Variants in SPTBN1 observed in about 807,000 individuals in gnomAD.
SPTBN1 encodes spectrin beta, non-erythrocytic 1, also known as spectrin beta chain, non-erythrocytic 1.
SPTBN1 carries 32 observed loss-of-function variants against 266.4 expected under a neutral mutation model. That is an observed-to-expected ratio of 0.12 (90% confidence interval 0.09 to 0.16). The LOEUF is 0.16. Ranked by LOEUF, SPTBN1 falls within the 10% of genes least tolerant of loss-of-function variation. The pLI is 1.00. For synonymous variants in SPTBN1, 1,336 were observed against 1,162.2 expected, an observed-to-expected ratio of 1.15 and a Z score of -3.04; for missense variants, 2,296 against 3,067.1, an observed-to-expected ratio of 0.75 and a Z score of 5.94.
intron 2 of SPTBN1, among the ~76,000 whole-genome samples, chr2:54,566,930 G>C (rs1673702920): frequency 6.6e-6 from 1 of 152,166 alleles, no homozygotes; most frequent in Admixed American, 6.5e-5. Context: ...TACTTTAAAA[G>C]CAGGAAGGAT....
intron 1 of SPTBN1, among the ~76,000 whole-genome samples, chr2:54,508,481 T>G (rs1038551779): frequency 3.3e-5 from 5 of 152,090 alleles, no homozygotes; most frequent in African/African-American, 9.7e-5. Context: ...TGAGGATAGA[T>G]TTTTGCGATG....
At chr2:54,513,404 C>T (rs1251172597) in intron 1 of SPTBN1, among the ~76,000 whole-genome samples, 1 of 152,050 alleles carries the variant, frequency 6.6e-6, no homozygotes, top group Non-Finnish European at 1.5e-5. Flanking sequence ...CATTGGGTTG[C>T]TCTAGGAGAA....
In SPTBN1 at chr2:54,645,590, G is replaced by C. The variant is rs1679871361; in HGVS notation, c.4494+137G>C. ...AGCTGCCAAAGTCCACGCTCTGGAT[G>C]GTCTAAAGTTTCTTTCCCTTTTCAC... On this transcript the variant is annotated intron_variant, in intron 21 of 35. Coordinates refer to ENST00000356805, the MANE Select transcript of SPTBN1 (RefSeq NM_003128.3). This position sits in a 1 kb window ranked among gnomAD's most constrained non-coding sequence, Gnocchi z 4.3. The C allele has an allele frequency of 1.2e-6, 1 of 863,710 alleles. No homozygotes were observed. Among genetic ancestry groups the C allele is most frequent in the African/African-American group, 1.7e-5 (1 of 58,738 alleles). 53.5% of individuals were successfully genotyped at this position (863,710 alleles called of 1,614,324 possible).
At position 54,533,415 on chromosome 2, in the gene SPTBN1, G is replaced by C. The variant is rs114421084; in HGVS notation, c.148+6849G>C. On this transcript the variant is annotated intron_variant, in intron 2 of 35. Transcript: ENST00000356805. The surrounding 1 kb of genome is among the most constrained non-coding windows in gnomAD (Gnocchi z 4.2). ...GTGTGTCTAAACCATTTGACTTCTA[G>C]TGAACGAACAGAGCCAACCTCTTCC... Among the ~76,000 whole-genome samples the C allele has an allele frequency of 8.9e-3, 1,346 of 150,700 alleles. 23 individuals carry two copies. Among genetic ancestry groups the C allele is most frequent in the African/African-American group, 0.03 (1,219 of 40,926 alleles).
At chr2:54,585,153 A>G (rs548262130) in intron 2 of SPTBN1, among the ~76,000 whole-genome samples, 101 of 152,374 alleles carry the variant, frequency 6.6e-4, no homozygotes, top group Non-Finnish European at 1.1e-3. Context: ...AAATTTAGAC[A>G]GATGACCAGT....
At chr2:54,652,853 T>C (rs1441208321) in intron 26 of SPTBN1, 4 of 150,816 alleles carry the variant, frequency 2.7e-5, no homozygotes, top group African/African-American at 9.8e-5. Context: ...TGCCAGTTTC[T>C]GTGTTGGTTT....
intron 9 of SPTBN1, 126 bp from the exon 10 acceptor site, chr2:54,623,353 C>A: frequency 1.3e-6 from 1 of 787,316 alleles, no homozygotes; most frequent in Non-Finnish European, 2.1e-6. Flanking sequence ...CAATAAGCAA[C>A]CTACTGATGT....
Position 54,665,930 on chromosome 2 carries a change from T to C in SPTBN1, c.6675T>C (p.Val2225=). 6.2e-7 allele frequency: 1 copy of C among 1,613,884 alleles called. No individual in the cohort carries two copies. The highest frequency in any genetic ancestry group is 1.3e-5 in the African/African-American group (1 of 74,994). ...KKASSRSWHN[V]YCVINNQEMG... ...AACTGCACAGGTCCTGGCACAATGT[T>C]TATTGTGTCATAAATAACCAAGAAA... is the stretch of plus-strand genomic sequence containing the variant. Residue 2225 remains valine, a synonymous_variant, in exon 34 of 36, where the codon GTT becomes GTC. Coordinates refer to ENST00000356805, the MANE Select transcript of SPTBN1 (RefSeq NM_003128.3).
At chr2:54,515,547 T>TATTG (rs1471248573) in intron 1 of SPTBN1, among the ~76,000 whole-genome samples, 1 of 152,182 alleles carries the variant, frequency 6.6e-6, no homozygotes, top group Non-Finnish European at 1.5e-5. Flanking sequence ...TTTATTTATT[T>TATTG]TTGTGACAGG....
chr2:54,635,949 T>A (rs1259176981), intron 17 of SPTBN1, among the ~76,000 whole-genome samples: 1 of 152,254 alleles, frequency 6.6e-6, no homozygotes, highest in Non-Finnish European at 1.5e-5. Context: ...TTTATTTTTT[T>A]AAATTTAATT....
chr2:54,610,801 A>G (rs560361778), intron 3 of SPTBN1, among the ~76,000 whole-genome samples: 7 of 152,146 alleles, frequency 4.6e-5, no homozygotes, highest in Non-Finnish European at 1.0e-4. Flanking sequence ...CAGCATCACT[A>G]GTGGCACTTT....
At chr2:54,611,688 A>C (rs901709054) in intron 3 of SPTBN1, among the ~76,000 whole-genome samples, 1 of 152,124 alleles carries the variant, frequency 6.6e-6, no homozygotes, top group African/African-American at 2.4e-5. Context: ...ACCACTTGGA[A>C]ATTCTTCTGA....
At chr2:54,578,046 G>C (rs957050195) in intron 2 of SPTBN1, among the ~76,000 whole-genome samples, 14 of 152,152 alleles carry the variant, frequency 9.2e-5, no homozygotes, top group Non-Finnish European at 1.9e-4. Context: ...TGGTACTTTG[G>C]AGATTCCAGA....
intron 1 of SPTBN1, among the ~76,000 whole-genome samples, chr2:54,479,865 T>TC (rs1338596601): frequency 1.3e-5 from 1 of 74,650 alleles, no homozygotes; most frequent in African/African-American, 4.3e-5. Context: ...AAATTTTGCT[T>TC]TTTTTTTTTC....
In SPTBN1 at chr2:54,653,522, T is replaced by G. The variant is rs1164188036; in HGVS notation, c.5578-87T>G. Reference sequence around the variant, plus strand: ...TATTTTGACTCTGTGCTCCCTTTAGTGTATGAGCAGAACAGAATAGGGCTT... The same window carrying G: ...TATTTTGACTCTGTGCTCCCTTTAGGGTATGAGCAGAACAGAATAGGGCTT... On this transcript the variant is annotated intron_variant, in intron 26 of 35. Transcript: ENST00000356805. The surrounding 1 kb of genome is among the most constrained non-coding windows in gnomAD (Gnocchi z 5.1). 11 of 1,543,272 alleles carry G rather than the reference T, an allele frequency of 7.1e-6. No individual in the cohort carries two copies. Among genetic ancestry groups the G allele is most frequent in the Non-Finnish European group, 9.5e-6 (11 of 1,152,682 alleles).
chr2:54,663,601 T>C (rs1681190794), intron 32 of SPTBN1: 1 of 152,280 alleles, frequency 6.6e-6, no homozygotes, highest in Non-Finnish European at 1.5e-5. Flanking sequence ...GAAGCCTGGC[T>C]GTCTCTGGGC....
At chr2:54,641,182 G>C (rs1035543738) in intron 18 of SPTBN1, among the ~76,000 whole-genome samples, 2 of 152,220 alleles carry the variant, frequency 1.3e-5, no homozygotes, top group African/African-American at 4.8e-5. Flanking sequence ...TGATGAACTA[G>C]CAAGTTCCAT....
chr2:54,588,852 T>A (rs976999305), intron 2 of SPTBN1, among the ~76,000 whole-genome samples: 3 of 152,216 alleles, frequency 2.0e-5, no homozygotes, highest in Non-Finnish European at 2.9e-5. Flanking sequence ...AAGGTCCTAA[T>A]TCTGTTTTTT....
intron 1 of SPTBN1, among the ~76,000 whole-genome samples, chr2:54,462,654 ATACTC>A (rs1261181837): frequency 2.0e-5 from 3 of 152,236 alleles, no homozygotes; most frequent in Non-Finnish European, 1.5e-5. Flanking sequence ...AAAGGACTGT[ATACTC>A]TAGTATATGG....
Sources: allele counts gnomAD v4.1 joint callset (sites outside exome capture counted in the v4.1 genomes callset), GRCh38; gene constraint gnomAD v4.1.1; non-coding constraint Gnocchi (gnomAD v3.1); transcripts MANE v1.5; gene names NCBI Gene and HGNC (gene_info 2026-07-23, HGNC 2026-07-21).